Variants in ROR2 observed in about 807,000 individuals in gnomAD.
The protein encoded by ROR2 is ROR family WNT receptor 2, also known as tyrosine-protein kinase transmembrane receptor ROR2.
In ROR2, 33 loss-of-function variants were observed where a neutral mutation model predicts 74.9. That is an observed-to-expected ratio of 0.44 (90% confidence interval 0.33 to 0.59). The LOEUF (loss-of-function observed/expected upper bound fraction) is 0.59, where lower values mean the gene tolerates loss of function less well. ROR2 is among the 20% of genes least tolerant of loss of function. ROR2 has a pLI of 0.02. For missense variants in ROR2, 1,216 were observed against 1,313.8 expected (o/e 0.93, Z 1.15); for synonymous variants, 586 against 558.7 (o/e 1.05, Z -0.69).
intron 6 of ROR2, among the ~76,000 whole-genome samples, chr9:91,731,589 G>T (rs1481998030): frequency 6.6e-6 from 1 of 152,204 alleles, no homozygotes; most frequent in East Asian, 1.9e-4. Flanking sequence ...GGAACCCTGG[G>T]GTTGGGGTGT....
chr9:91,843,975 G>A (rs771246670), intron 1 of ROR2, among the ~76,000 whole-genome samples: 15 of 152,330 alleles, frequency 9.8e-5, no homozygotes, highest in African/African-American at 2.4e-4. Flanking sequence ...CCTGCAGAGC[G>A]GGGCCTTTCA....
At chr9:91,743,142 CTG>C (rs1194391931) in intron 4 of ROR2, among the ~76,000 whole-genome samples, 1 of 152,152 alleles carries the variant, frequency 6.6e-6, no homozygotes, top group African/African-American at 2.4e-5. Flanking sequence ...TGATGCATGA[CTG>C]TATAACAGAG....
At chr9:91,788,668 C>A (rs556383855) in intron 1 of ROR2, among the ~76,000 whole-genome samples, 1 of 152,088 alleles carries the variant, frequency 6.6e-6, no homozygotes, top group East Asian at 1.9e-4. Flanking sequence ...AGTTCAAGAC[C>A]AGCCTGGCCA....
At chr9:91,747,863 G>A (rs16907725) in intron 4 of ROR2, among the ~76,000 whole-genome samples, 26,222 of 152,108 alleles carry the variant, frequency 0.17, 2,677 homozygotes, top group South Asian at 0.29. Flanking sequence ...AAAGTCAAAG[G>A]ATGTCCTCGT....
chr9:91,949,829 GCTA>G, intron 1 of ROR2, 35 bp downstream of exon 1: 1 of 1,289,406 alleles, frequency 7.8e-7, no homozygotes, highest in Non-Finnish European at 1.1e-6. Flanking sequence ...CGAGCCGTGA[GCTA>G]CCGTCTGCGC....
chr9:91,860,153 A>T (rs1038603138), intron 1 of ROR2, among the ~76,000 whole-genome samples: 2 of 152,168 alleles, frequency 1.3e-5, no homozygotes, highest in African/African-American at 4.8e-5. Context: ...TCAGGCACTG[A>T]CCAGGTTAGA....
chr9:91,877,869 A>G (rs1266894082), intron 1 of ROR2, among the ~76,000 whole-genome samples: 1 of 152,194 alleles, frequency 6.6e-6, no homozygotes, highest in Non-Finnish European at 1.5e-5. Context: ...TTACATTTGC[A>G]AACAGTTCCA....
At chr9:91,949,065 C>G (rs1242027809) in intron 1 of ROR2, among the ~76,000 whole-genome samples, 1 of 151,882 alleles carries the variant, frequency 6.6e-6, no homozygotes, top group Non-Finnish European at 1.5e-5. Flanking sequence ...AGGAAACCCA[C>G]CTAGGAGCCG....
chr9:91,840,539 G>A (rs577678084), intron 1 of ROR2, among the ~76,000 whole-genome samples: 1 of 152,336 alleles, frequency 6.6e-6, no homozygotes, highest in African/African-American at 2.4e-5. Flanking sequence ...TTCAGGCCTG[G>A]GGCCACATGC....
At chr9:91,927,025 C>T (rs1831423576) in intron 1 of ROR2, among the ~76,000 whole-genome samples, 1 of 151,790 alleles carries the variant, frequency 6.6e-6, no homozygotes, top group African/African-American at 2.4e-5. Flanking sequence ...ATTTTAATAC[C>T]AAAATTTTAA....
chr9:91,747,387 G>A (rs181969265), intron 4 of ROR2, among the ~76,000 whole-genome samples: 1 of 152,366 alleles, frequency 6.6e-6, no homozygotes, highest in East Asian at 1.9e-4. Context: ...GGACAGGCCA[G>A]GGCAGCACCC....
At chr9:91,777,953 G>A (rs1314279337) in intron 1 of ROR2, among the ~76,000 whole-genome samples, 7 of 152,134 alleles carry the variant, frequency 4.6e-5, no homozygotes, top group East Asian at 1.9e-4. Context: ...TCCCAGACTC[G>A]GGGGGTCTGT....
At chr9:91,857,511 C>T (rs1354631976) in intron 1 of ROR2, among the ~76,000 whole-genome samples, 5 of 152,230 alleles carry the variant, frequency 3.3e-5, no homozygotes, top group Admixed American at 1.3e-4. Flanking sequence ...TCGTGTTCTA[C>T]AGCAGGAGAC....
At chr9:91,941,837 C>T (rs1411733143) in intron 1 of ROR2, among the ~76,000 whole-genome samples, 1 of 149,848 alleles carries the variant, frequency 6.7e-6, no homozygotes, top group Non-Finnish European at 1.5e-5. Flanking sequence ...GCTGCCCAGA[C>T]TGGAGTGTAG....
At chr9:91,783,498 T>C (rs1826690431) in intron 1 of ROR2, among the ~76,000 whole-genome samples, 2 of 151,814 alleles carry the variant, frequency 1.3e-5, no homozygotes, top group South Asian at 4.2e-4. Context: ...CCCAAACCCC[T>C]CCCTTCTGAG....
At chr9:91,730,109 ATTTTTGTAT>A (rs1160887245) in intron 7 of ROR2, among the ~76,000 whole-genome samples, 1 of 152,052 alleles carries the variant, frequency 6.6e-6, no homozygotes, top group Non-Finnish European at 1.5e-5. Context: ...CGCCTGGACA[ATTTTTGTAT>A]TTTTTGTAGA....
chr9:91,913,190 G>A (rs1021989549), intron 1 of ROR2, among the ~76,000 whole-genome samples: 2 of 151,684 alleles, frequency 1.3e-5, no homozygotes, highest in African/African-American at 2.4e-5. Context: ...GTATACAATG[G>A]TACTCTTTTT....
intron 4 of ROR2, among the ~76,000 whole-genome samples, chr9:91,741,304 GTAATAATAATAATAA>G (rs149995684): frequency 1.5e-5 from 2 of 135,604 alleles, no homozygotes; most frequent in South Asian, 2.4e-4. Context: ...GTCTCAAGTA[GTAATAATAATAATAA>G]TAATAATAAT....
intron 7 of ROR2, among the ~76,000 whole-genome samples, chr9:91,727,401 A>ATTTTTTT: frequency 6.9e-6 from 1 of 145,918 alleles, no homozygotes; most frequent in East Asian, 2.0e-4. Flanking sequence ...CCTTCCCTGC[A>ATTTTTTT]TTTTTTTTTT....
Sources: gnomAD v4.1 joint callset for allele counts (sites outside exome capture counted in the v4.1 genomes callset) on GRCh38, gnomAD v4.1.1 for gene constraint, MANE v1.5 for transcripts, NCBI Gene and HGNC (gene_info 2026-07-23, HGNC 2026-07-21) for gene names.